Variants in VEZT observed in about 807,000 individuals in gnomAD.
The protein encoded by VEZT is vezatin.
In VEZT, 39 loss-of-function variants were observed where a neutral mutation model predicts 79.9. The ratio of observed to expected loss-of-function variants is 0.49; its 90% CI spans 0.38 to 0.64. The LOEUF is 0.64. Ranked by LOEUF, VEZT falls within the 30% of genes least tolerant of loss-of-function variation. The probability of loss-of-function intolerance (pLI) is 0.00; values close to 1 mark genes in which losing one functional copy is unlikely to be tolerated. For missense variants in VEZT, 837 were observed against 893.1 expected (o/e 0.94, Z 0.80); for synonymous variants, 325 against 327.6 (o/e 0.99, Z 0.09).
At chr12:95,225,825 G>A (rs2058392822) in intron 1 of VEZT, among the ~76,000 whole-genome samples, 1 of 142,890 alleles carries the variant, frequency 7.0e-6, no homozygotes, top group African/African-American at 2.5e-5. Flanking sequence ...GAGAAGGAAT[G>A]AGAGAACAGA....
chr12:95,257,331 C>T (rs371833899), intron 3 of VEZT, 92 bp downstream of exon 3: 1 of 1,006,938 alleles, frequency 9.9e-7, no homozygotes, highest in Non-Finnish European at 1.4e-6. Flanking sequence ...ATCAATTTGG[C>T]CAGCAATTGA....
intron 1 of VEZT, among the ~76,000 whole-genome samples, chr12:95,240,021 A>AAAGGAAGGAAGGAAGGAAGG (rs372963849): frequency 1.6e-4 from 13 of 81,462 alleles, no homozygotes; most frequent in East Asian, 7.3e-4. Context: ...AGAGAGAAAG[A>AAAGGAAGGAAGGAAGGAAGG]AAGGAAGGAA....
chr12:95,289,089 A>AAAAAAAAAAAT (rs1555292132), intron 9 of VEZT, among the ~76,000 whole-genome samples: 4 of 101,726 alleles, frequency 3.9e-5, no homozygotes, highest in Non-Finnish European at 6.0e-5. Flanking sequence ...CTCAAAAAAA[A>AAAAAAAAAAAT]AAATAAATAA....
At chr12:95,236,108 G>A (rs1253188183) in intron 1 of VEZT, among the ~76,000 whole-genome samples, 1 of 152,118 alleles carries the variant, frequency 6.6e-6, no homozygotes, top group Non-Finnish European at 1.5e-5. Flanking sequence ...CCGAGATCAC[G>A]CCACTGCACT....
chr12:95,267,550 T>C (rs1294557270), intron 5 of VEZT, among the ~76,000 whole-genome samples: 3 of 152,204 alleles, frequency 2.0e-5, no homozygotes, highest in South Asian at 4.1e-4. Flanking sequence ...CATCGCATCC[T>C]TCACTCTGTT....
At chr12:95,265,330 T>G (rs2065331998) in intron 4 of VEZT, among the ~76,000 whole-genome samples, 1 of 151,782 alleles carries the variant, frequency 6.6e-6, no homozygotes, top group Non-Finnish European at 1.5e-5. Flanking sequence ...CTGTGGTAAG[T>G]ATGTATATTC....
At chr12:95,294,110 C>T (rs2073619149) in intron 9 of VEZT, 162 bp from the exon 10 acceptor site, 1 of 542,462 alleles carries the variant, frequency 1.8e-6, no homozygotes, top group African/African-American at 1.9e-5. Context: ...TGGTGTTGAA[C>T]TCCTGGGCTC....
At chr12:95,274,671 A>C in intron 6 of VEZT, 71 bp from the exon 7 acceptor site, 1 of 1,498,770 alleles carries the variant, frequency 6.7e-7, no homozygotes, top group Non-Finnish European at 9.0e-7. Flanking sequence ...GGAATGTGAT[A>C]TAGGACAATT....
intron 3 of VEZT, among the ~76,000 whole-genome samples, 186 bp downstream of exon 3, chr12:95,257,425 G>A (rs1245450478): frequency 6.6e-6 from 1 of 152,152 alleles, no homozygotes; most frequent in Admixed American, 6.5e-5. Flanking sequence ...GAGGTTATTA[G>A]CCACTCAGAA....
At chr12:95,278,952 C>T (rs1223802503) in intron 7 of VEZT, among the ~76,000 whole-genome samples, 1 of 152,180 alleles carries the variant, frequency 6.6e-6, no homozygotes, top group Non-Finnish European at 1.5e-5. Context: ...TGCCTGTAAT[C>T]CCAGCTACTC....
intron 1 of VEZT, among the ~76,000 whole-genome samples, chr12:95,246,310 A>G (rs1425210132): frequency 6.6e-6 from 1 of 151,942 alleles, no homozygotes; most frequent in African/African-American, 2.4e-5. Flanking sequence ...TTTAGTAGAG[A>G]CGGGGTTTCA....
intron 10 of VEZT, 142 bp downstream of exon 10, chr12:95,294,514 C>CT (rs150093851): frequency 5.8e-5 from 40 of 690,858 alleles, no homozygotes; most frequent in African/African-American, 2.4e-4. Flanking sequence ...TGCCTGCAGA[C>CT]TTTTTTTTGA....
rs529136363 is a variant in VEZT, at chr12:95,224,519, T to G, written c.36+6633T>G. ...TCACGGGATTCTTCTTGGGAAAGGC[T>G]AGGAGCAGCCATCTTATTTCCTGTG... On this transcript the variant is annotated intron_variant, in intron 1 of 11. Coordinates refer to ENST00000436874, the MANE Select transcript of VEZT (RefSeq NM_017599.4). 6.6e-5 allele frequency among the ~76,000 whole-genome samples: 10 copies of G among 152,274 alleles called. No homozygotes were observed. In the East Asian group the frequency reaches 1.9e-3, roughly 29 times the overall value.
At chr12:95,275,454 G>A (rs1193651960) in intron 7 of VEZT, among the ~76,000 whole-genome samples, 1 of 151,970 alleles carries the variant, frequency 6.6e-6, no homozygotes, top group African/African-American at 2.4e-5. Context: ...ACAAAAATTA[G>A]CTGGGTGCAG....
chr12:95,236,174 AC>A (rs2060146809), intron 1 of VEZT, among the ~76,000 whole-genome samples: 1 of 152,214 alleles, frequency 6.6e-6, no homozygotes, highest in African/African-American at 2.4e-5. Context: ...CAATCACGGC[AC>A]CTTGGGAGGC....
At position 95,266,513 on chromosome 12, in the gene VEZT, A is replaced by G. The variant is rs759092389; in HGVS notation, c.591A>G (p.Leu197=). 3 of 1,613,806 alleles carry G rather than the reference A, an allele frequency of 1.9e-6. No individual in the cohort carries two copies. The highest frequency in any genetic ancestry group is 4.5e-5 in the East Asian group (2 of 44,884). Residue 197 remains leucine (L), a synonymous_variant, in exon 5 of 12, where the codon CTA becomes CTG. Transcript: ENST00000436874. ...GGACAGCCAAACTACAAGTGACCCT[A>G]AAAAAATACAGCGTTCATTTGGAAG... ...LWRTAKLQVT[L]KKYSVHLEDM... is the part of the protein sequence containing the mutation.
chr12:95,252,598 T>C (rs1239172316), intron 2 of VEZT, among the ~76,000 whole-genome samples: 1 of 152,182 alleles, frequency 6.6e-6, no homozygotes, highest in Non-Finnish European at 1.5e-5. Flanking sequence ...ACTAGAAAAA[T>C]CTCCATTAAT....
intron 1 of VEZT, among the ~76,000 whole-genome samples, chr12:95,227,380 G>A (rs941536117): frequency 5.2e-5 from 7 of 133,608 alleles, no homozygotes; most frequent in Non-Finnish European, 9.3e-5. Context: ...TGCTCTTGTC[G>A]CCCAGGCTGG....
chr12:95,237,885 A>G (rs1312646920), intron 1 of VEZT, among the ~76,000 whole-genome samples: 1 of 152,220 alleles, frequency 6.6e-6, no homozygotes, highest in Non-Finnish European at 1.5e-5. Flanking sequence ...CCAATTTTAT[A>G]TGAGCATTTT....
Sources: allele counts gnomAD v4.1 joint callset (sites outside exome capture counted in the v4.1 genomes callset), GRCh38; gene constraint gnomAD v4.1.1; transcripts MANE v1.5; gene names NCBI Gene and HGNC (gene_info 2026-07-23, HGNC 2026-07-21).